The following FHOD3 variants were observed in gnomAD, a reference collection of about 807,000 sequenced individuals.
The protein encoded by FHOD3 is FH1/FH2 domain-containing protein 3.
In FHOD3, 90 loss-of-function variants were observed where a neutral mutation model predicts 173.0. That is an observed-to-expected ratio of 0.52 (90% CI 0.44 to 0.62). FHOD3 has a LOEUF of 0.62. Ranked by LOEUF, FHOD3 falls within the 20% of genes least tolerant of loss-of-function variation. The pLI is 0.00. For missense variants in FHOD3, 1,945 were observed against 2,034.7 expected (o/e 0.96, Z 0.85); for synonymous variants, 828 against 823.0 (o/e 1.01, Z -0.10).
intron 9 of FHOD3, among the ~76,000 whole-genome samples, chr18:36,620,652 A>G (rs1244625877): frequency 2.0e-5 from 3 of 152,188 alleles, no homozygotes; most frequent in Admixed American, 2.0e-4. Flanking sequence ...CACACATTTC[A>G]TGATAGTGTC....
At chr18:36,429,581 T>A (rs938533180) in intron 3 of FHOD3, among the ~76,000 whole-genome samples, 4 of 152,152 alleles carry the variant, frequency 2.6e-5, no homozygotes, top group Non-Finnish European at 5.9e-5. Flanking sequence ...TTAAAGACTA[T>A]TTTTAGCTTG....
At chr18:36,319,332 C>T (rs1444501005) in intron 1 of FHOD3, among the ~76,000 whole-genome samples, 1 of 152,168 alleles carries the variant, frequency 6.6e-6, no homozygotes, top group Non-Finnish European at 1.5e-5. Context: ...GCAGGGATTG[C>T]AATCCTAGTC....
chr18:36,768,614 C>A (rs1204610146), intron 27 of FHOD3, among the ~76,000 whole-genome samples: 1 of 152,108 alleles, frequency 6.6e-6, no homozygotes, highest in Admixed American at 6.5e-5. Flanking sequence ...TTATAAACTA[C>A]AGAAAATGTT....
intron 3 of FHOD3, among the ~76,000 whole-genome samples, chr18:36,482,674 G>A (rs747873892): frequency 9.9e-5 from 15 of 152,236 alleles, no homozygotes; most frequent in Non-Finnish European, 1.9e-4. Flanking sequence ...GGTTTGTCCT[G>A]TCTTATACTT....
rs146535872 is a variant in FHOD3 at position 36,631,680 on chromosome 18, C to T, written c.1196+5931C>T. ...AGCTGAGGCACAGGGAGTTGAAGCA[C>T]CTTGCCCAAGGTCCCACAGCTAATA... On this transcript the variant is annotated intron_variant, in intron 10 of 28. Coordinates refer to ENST00000590592, the MANE Select transcript of FHOD3 (RefSeq NM_001281740.3). Among the ~76,000 whole-genome samples, 24 of 152,264 alleles carry T rather than the reference C, an allele frequency of 1.6e-4. No homozygotes were observed. In the East Asian group the frequency reaches 4.4e-3, roughly 28 times the overall value.
At chr18:36,548,542 G>A (rs868250433) in intron 5 of FHOD3, among the ~76,000 whole-genome samples, 34 of 152,294 alleles carry the variant, frequency 2.2e-4, no homozygotes, top group African/African-American at 7.0e-4. Context: ...GCTGCATCCA[G>A]TACTCCAGAA....
intron 18 of FHOD3, among the ~76,000 whole-genome samples, chr18:36,713,210 T>C (rs577119186): frequency 5.3e-5 from 8 of 152,298 alleles, no homozygotes; most frequent in East Asian, 1.9e-4. Flanking sequence ...CAGGGGTAAA[T>C]AGACTTTCTG....
chr18:36,347,608 C>A (rs1244213520), intron 1 of FHOD3, among the ~76,000 whole-genome samples: 1 of 152,174 alleles, frequency 6.6e-6, no homozygotes, highest in African/African-American at 2.4e-5. Context: ...TATTTCATAA[C>A]CCATATATGC....
chr18:36,639,338 G>C (rs1006942898), intron 10 of FHOD3, among the ~76,000 whole-genome samples: 1 of 151,850 alleles, frequency 6.6e-6, no homozygotes, highest in Non-Finnish European at 1.5e-5. Flanking sequence ...TCAGGAGATC[G>C]AGACCATCCT....
intron 3 of FHOD3, among the ~76,000 whole-genome samples, chr18:36,499,083 GTTTTGTTTTGTTTTGTTTTGT>G (rs1278057248): frequency 3.4e-5 from 1 of 29,198 alleles, no homozygotes; most frequent in African/African-American, 1.1e-4. Context: ...TTTTTGTTTT[GTTTTGTTTTGTTTTGTTTTGT>G]TTTGTTTTGT....
chr18:36,645,427 C>G (rs967238655), intron 10 of FHOD3, among the ~76,000 whole-genome samples: 3 of 149,864 alleles, frequency 2.0e-5, no homozygotes, highest in Non-Finnish European at 3.0e-5. Context: ...GACTCTGTCT[C>G]AAAAAAAAAG....
intron 4 of FHOD3, among the ~76,000 whole-genome samples, chr18:36,504,376 C>G (rs1033633765): frequency 6.6e-6 from 1 of 152,076 alleles, no homozygotes; most frequent in Non-Finnish European, 1.5e-5. Context: ...TAAAAGTATC[C>G]TGTGCTTCAT....
At chr18:36,591,906 G>A (rs975449733) in intron 6 of FHOD3, among the ~76,000 whole-genome samples, 1 of 152,114 alleles carries the variant, frequency 6.6e-6, no homozygotes. Flanking sequence ...CTGGGTGACA[G>A]AATGAGACCC....
At chr18:36,594,404 T>C (rs2029940770) in intron 6 of FHOD3, among the ~76,000 whole-genome samples, 1 of 152,266 alleles carries the variant, frequency 6.6e-6, no homozygotes, top group Middle Eastern at 3.4e-3. Context: ...AAAATAAGAA[T>C]GGTGCTTATG....
chr18:36,634,331 T>G (rs1329252274), intron 10 of FHOD3, among the ~76,000 whole-genome samples: 1 of 152,170 alleles, frequency 6.6e-6, no homozygotes, highest in Non-Finnish European at 1.5e-5. Context: ...GGAACTGTGC[T>G]GGGGGGTGAG....
At chr18:36,573,570 C>T (rs568134697) in intron 5 of FHOD3, among the ~76,000 whole-genome samples, 2 of 152,286 alleles carry the variant, frequency 1.3e-5, no homozygotes, top group South Asian at 4.1e-4. Context: ...GGCACCACTG[C>T]TCCAACGTGG....
chr18:36,417,181 T>C (rs1322255236), intron 3 of FHOD3, among the ~76,000 whole-genome samples: 1 of 152,166 alleles, frequency 6.6e-6, no homozygotes, highest in African/African-American at 2.4e-5. Flanking sequence ...TTAAGCCTAG[T>C]ATCCATTAGT....
intron 4 of FHOD3, among the ~76,000 whole-genome samples, chr18:36,510,516 T>C (rs1208457306): frequency 1.3e-5 from 2 of 152,222 alleles, no homozygotes; most frequent in African/African-American, 2.4e-5. Context: ...AATTCTCTGG[T>C]ATATTAATAT....
At chr18:36,559,672 A>T (rs986830338) in intron 5 of FHOD3, among the ~76,000 whole-genome samples, 2 of 152,134 alleles carry the variant, frequency 1.3e-5, no homozygotes, top group Non-Finnish European at 2.9e-5. Flanking sequence ...TTTCATCATT[A>T]TCATATCCTG....
Sources: gnomAD v4.1 joint callset for allele counts (sites outside exome capture counted in the v4.1 genomes callset) on GRCh38, gnomAD v4.1.1 for gene constraint, MANE v1.5 for transcripts, NCBI Gene and HGNC (gene_info 2026-07-23, HGNC 2026-07-21) for gene names.